Variants in GRAMD1B observed in about 807,000 individuals in gnomAD.
GRAMD1B encodes GRAM domain containing 1B.
Under a neutral mutation model 99.7 loss-of-function variants are expected in GRAMD1B, and 37 were observed. The ratio of observed to expected loss-of-function variants is 0.37; its 90% CI spans 0.29 to 0.49. GRAMD1B has a LOEUF of 0.49. GRAMD1B is among the 20% of genes least tolerant of loss of function. GRAMD1B has a pLI of 0.98. For synonymous variants in GRAMD1B, 427 were observed against 387.6 expected (o/e 1.10, Z -1.19); for missense variants, 888 against 1,009.2 (o/e 0.88, Z 1.63).
At chr11:123,448,783 C>T (rs752407108) in intron 1 of GRAMD1B, among the ~76,000 whole-genome samples, 39 of 152,196 alleles carry the variant, frequency 2.6e-4, no homozygotes, top group Admixed American at 4.6e-4. Flanking sequence ...CACGAGGCTT[C>T]TCTCCCTCCA....
intron 2 of GRAMD1B, among the ~76,000 whole-genome samples, chr11:123,535,067 C>T (rs1943822074): frequency 6.6e-6 from 1 of 152,102 alleles, no homozygotes; most frequent in East Asian, 1.9e-4. Flanking sequence ...GAGGCCTGGG[C>T]TGGCTAGACT....
At chr11:123,504,320 CAG>C (rs1940199343) in intron 2 of GRAMD1B, among the ~76,000 whole-genome samples, 1 of 152,200 alleles carries the variant, frequency 6.6e-6, no homozygotes, top group South Asian at 2.1e-4. Context: ...GACTTGTATT[CAG>C]AGAGTCCTTT....
At chr11:123,528,715 CTT>C (rs941855095) in intron 2 of GRAMD1B, among the ~76,000 whole-genome samples, 3 of 151,938 alleles carry the variant, frequency 2.0e-5, no homozygotes, top group African/African-American at 7.3e-5. Flanking sequence ...TCTGTTGTCT[CTT>C]ATATTCATTA....
intron 2 of GRAMD1B, among the ~76,000 whole-genome samples, chr11:123,493,643 G>A (rs773985770): frequency 1.3e-5 from 2 of 152,188 alleles, no homozygotes; most frequent in African/African-American, 2.4e-5. Context: ...CATGTGGAAC[G>A]TGGGCCCAGA....
At chr11:123,535,938 A>T (rs1007511469) in intron 2 of GRAMD1B, among the ~76,000 whole-genome samples, 2 of 152,112 alleles carry the variant, frequency 1.3e-5, no homozygotes, top group African/African-American at 4.8e-5. Flanking sequence ...GTGGCAGGCT[A>T]TGCTTCTCAG....
intron 2 of GRAMD1B, among the ~76,000 whole-genome samples, chr11:123,487,763 TGCCCA>T (rs1435451696): frequency 1.3e-5 from 2 of 152,294 alleles, no homozygotes; most frequent in East Asian, 3.9e-4. Context: ...CCCGCCATCA[TGCCCA>T]GCTAATTTTT....
chr11:123,583,120 G>A (rs1407431652), intron 3 of GRAMD1B, among the ~76,000 whole-genome samples: 2 of 152,158 alleles, frequency 1.3e-5, no homozygotes, highest in Non-Finnish European at 2.9e-5. Flanking sequence ...GTGTATATGT[G>A]TGGTGTGTGT....
At chr11:123,508,608 A>G (rs982396557) in intron 2 of GRAMD1B, among the ~76,000 whole-genome samples, 4 of 152,160 alleles carry the variant, frequency 2.6e-5, no homozygotes, top group African/African-American at 7.2e-5. Flanking sequence ...CCTAGTCTGT[A>G]TTGATCTACC....
At chr11:123,520,589 A>G (rs559120761) in intron 2 of GRAMD1B, among the ~76,000 whole-genome samples, 114 of 152,016 alleles carry the variant, frequency 7.5e-4, no homozygotes, top group African/African-American at 2.7e-3. Flanking sequence ...TGGGCAACAC[A>G]GCGAAACCCC....
intron 1 of GRAMD1B, among the ~76,000 whole-genome samples, chr11:123,363,504 G>A (rs1946214479): frequency 1.3e-5 from 2 of 152,174 alleles, no homozygotes; most frequent in South Asian, 4.1e-4. Context: ...CTTGTTAGTA[G>A]GAAGAACCCC....
rs1372434136 is a variant in GRAMD1B at position 123,560,715 on chromosome 11, TG to T, written c.453-16651del. ...GTGTGTGTGTGTGTGTGTGTGTGTG[TG>T]TGTGTGTGTGTGTGTGTGTATCTTT... is the stretch of plus-strand genomic sequence containing the variant. On this transcript the variant is annotated intron_variant, in intron 2 of 19. Transcript: ENST00000635736. 369 of 454,522 alleles carry T rather than the reference TG, an allele frequency of 8.1e-4. 1 individual carries two copies. The highest frequency in any genetic ancestry group is 7.0e-3 in the African/African-American group (350 of 49,944). 28.2% of individuals were successfully genotyped at this position (454,522 alleles called of 1,614,324 possible). A position where few individuals can be genotyped will look rare whatever the true frequency, so the allele number is the denominator to read the frequency against.
intron 2 of GRAMD1B, among the ~76,000 whole-genome samples, chr11:123,522,677 CTG>C (rs1165947671): frequency 6.6e-6 from 1 of 152,134 alleles, no homozygotes; most frequent in Non-Finnish European, 1.5e-5. Flanking sequence ...GTGAGAAGCT[CTG>C]TTTCAGAAAC....
At chr11:123,443,291 A>G (rs1307263796) in intron 1 of GRAMD1B, among the ~76,000 whole-genome samples, 1 of 152,244 alleles carries the variant, frequency 6.6e-6, no homozygotes, top group Non-Finnish European at 1.5e-5. Flanking sequence ...ACATAGGTGT[A>G]GATGAAAAAA....
chr11:123,396,432 C>T (rs558717874), intron 1 of GRAMD1B, among the ~76,000 whole-genome samples: 38 of 152,178 alleles, frequency 2.5e-4, no homozygotes, highest in African/African-American at 7.2e-4. Context: ...TGTACCACCA[C>T]GCCTGGCTAA....
At chr11:123,501,823 T>C (rs902000738) in intron 2 of GRAMD1B, among the ~76,000 whole-genome samples, 1 of 152,230 alleles carries the variant, frequency 6.6e-6, no homozygotes, top group South Asian at 2.1e-4. Flanking sequence ...TTTTGAGAAG[T>C]GCCTTAAAAT....
intron 1 of GRAMD1B, among the ~76,000 whole-genome samples, chr11:123,394,568 C>A (rs1333002170): frequency 6.7e-6 from 1 of 149,908 alleles, no homozygotes; most frequent in Non-Finnish European, 1.5e-5. Flanking sequence ...CTCTTCTTTT[C>A]ATTTTTCTTA....
Position 123,416,107 on chromosome 11 carries a change from C to G in GRAMD1B, c.-176+57308C>G, listed in dbSNP as rs11219134. Among the ~76,000 whole-genome samples the G allele has an allele frequency of 3.6e-4, 55 of 152,328 alleles. 1 individual carries two copies. In the East Asian group the frequency reaches 0.01, roughly 28 times the overall value. ...ATAGCTTAATACAAAACCTAGCATG[C>G]TGAATACAGTTAGTCTTCAAAGTGG... On this transcript the variant is annotated intron_variant, in intron 1 of 20. Coordinates refer to the GRAMD1B transcript ENST00000638157.
At chr11:123,582,697 T>TACAGAACACCTG (rs1949499503) in intron 3 of GRAMD1B, among the ~76,000 whole-genome samples, 1 of 152,212 alleles carries the variant, frequency 6.6e-6, no homozygotes, top group South Asian at 2.1e-4. Flanking sequence ...GGACCGTCTT[T>TACAGAACACCTG]ACAGAGTTCA....
In GRAMD1B at chr11:123,605,386, G is replaced by A; in HGVS notation, c.1231G>A (p.Glu411Lys). ...VNDSSSKSSI[E>K]TKPDASPQLP... ...TGACAGCTCATCCAAGAGCAGCATA[G>A]AGACCAAGCCAGATGCCAGTCCACA... is the stretch of plus-strand genomic sequence containing the variant. The change falls in exon 10 of 20, where the codon GAG (glutamate) becomes AAG (lysine). Residue 411 changes from glutamate to lysine, a missense_variant. Around this residue, in one of 5 missense-constraint regions of GRAMD1B, gnomAD observed 269 missense variants for 296.6 expected, o/e 0.91. Coordinates refer to ENST00000635736, the MANE Select transcript of GRAMD1B (RefSeq NM_001387025.1). 1.2e-6 allele frequency: 2 copies of A among 1,613,234 alleles called. No homozygotes were observed. Among genetic ancestry groups the A allele is most frequent in the Non-Finnish European group, 1.7e-6 (2 of 1,179,364 alleles).
Sources: gnomAD v4.1 joint callset for allele counts (sites outside exome capture counted in the v4.1 genomes callset) on GRCh38, gnomAD v4.1.1 for gene constraint, gnomAD v4.1.1 regional missense constraint, MANE v1.5 for transcripts, NCBI Gene and HGNC (gene_info 2026-07-23, HGNC 2026-07-21) for gene names.